Variants in LRRTM3 observed in about 807,000 individuals in gnomAD.
LRRTM3 encodes the protein leucine rich repeat transmembrane neuronal 3.
LRRTM3 carries 24 observed loss-of-function variants against 44.7 expected under a neutral mutation model. The observed-to-expected ratio is 0.54, with a 90% CI of 0.39 to 0.76. LRRTM3 has a LOEUF of 0.76. Among genes scored for constraint, LRRTM3 ranks in the 30% least tolerant of loss-of-function variants. The probability of loss-of-function intolerance (pLI) is 0.00; values close to 1 mark genes in which losing one functional copy is unlikely to be tolerated. For missense variants in LRRTM3, 587 were observed against 702.2 expected, an observed-to-expected ratio of 0.84 and a Z score of 1.85; for synonymous variants, 277 against 278.7, an observed-to-expected ratio of 0.99 and a Z score of 0.06.
intron 2 of LRRTM3, among the ~76,000 whole-genome samples, chr10:66,987,499 T>C (rs1198898835): frequency 6.6e-6 from 1 of 152,180 alleles, no homozygotes; most frequent in Admixed American, 6.5e-5. Flanking sequence ...CTTTGTTATT[T>C]GTTTGTTTAA....
intron 2 of LRRTM3, among the ~76,000 whole-genome samples, chr10:66,990,114 C>A (rs12266823): frequency 0.074 from 11,237 of 152,226 alleles, 572 homozygotes; most frequent in African/African-American, 0.13. Flanking sequence ...AGTTTATACT[C>A]AAGCTTGTCA....
intron 2 of LRRTM3, chr10:67,054,643 G>A (rs1025586151): frequency 2.6e-5 from 4 of 152,102 alleles, no homozygotes; most frequent in Non-Finnish European, 5.9e-5. Flanking sequence ...ATTTCCAATG[G>A]CGGGAGACAG....
chr10:66,995,704 G>C (rs1564819548), intron 2 of LRRTM3, among the ~76,000 whole-genome samples: 1 of 152,046 alleles, frequency 6.6e-6, no homozygotes, highest in Non-Finnish European at 1.5e-5. Flanking sequence ...TCACTAATTT[G>C]TAGCTTTGCT....
At chr10:67,018,074 T>C (rs964686630) in intron 2 of LRRTM3, among the ~76,000 whole-genome samples, 1 of 152,122 alleles carries the variant, frequency 6.6e-6, no homozygotes, top group Non-Finnish European at 1.5e-5. Context: ...GCCTGGCCTG[T>C]GGATATATAT....
At chr10:67,044,094 C>G (rs1854576805) in intron 2 of LRRTM3, among the ~76,000 whole-genome samples, 1 of 151,924 alleles carries the variant, frequency 6.6e-6, no homozygotes, top group Non-Finnish European at 1.5e-5. Flanking sequence ...CTTCCCTCCT[C>G]CCTCTTTCCC....
intron 2 of LRRTM3, among the ~76,000 whole-genome samples, chr10:66,941,240 C>T (rs957403488): frequency 2.0e-5 from 3 of 152,212 alleles, no homozygotes; most frequent in Non-Finnish European, 4.4e-5. Flanking sequence ...CATTTTACTC[C>T]AGTGTCACAC....
At chr10:67,016,993 T>C (rs994144623) in intron 2 of LRRTM3, among the ~76,000 whole-genome samples, 3 of 152,166 alleles carry the variant, frequency 2.0e-5, no homozygotes, top group Non-Finnish European at 4.4e-5. Flanking sequence ...GAATACCTTC[T>C]ATATATGAGA....
chr10:67,082,587 A>G (rs1177133285), intron 2 of LRRTM3, among the ~76,000 whole-genome samples: 1 of 152,200 alleles, frequency 6.6e-6, no homozygotes, highest in Admixed American at 6.5e-5. Context: ...GCCTCCTAGG[A>G]AAGCACTAAG....
At chr10:66,996,089 T>C (rs1851320220) in intron 2 of LRRTM3, among the ~76,000 whole-genome samples, 1 of 152,212 alleles carries the variant, frequency 6.6e-6, no homozygotes, top group East Asian at 1.9e-4. Context: ...AACTGAAAAC[T>C]ACTTAGGACT....
intron 2 of LRRTM3, among the ~76,000 whole-genome samples, chr10:67,078,870 A>C (rs1386423902): frequency 6.6e-6 from 1 of 152,188 alleles, no homozygotes; most frequent in Non-Finnish European, 1.5e-5. Context: ...GGTTAGCAGG[A>C]CACTTGTAAT....
intron 2 of LRRTM3, among the ~76,000 whole-genome samples, chr10:66,981,082 T>C (rs1354656371): frequency 6.6e-6 from 1 of 152,102 alleles, no homozygotes; most frequent in Non-Finnish European, 1.5e-5. Context: ...ATTTTGTATT[T>C]TTACTAGAGA....
chr10:66,928,041 C>T lies in LRRTM3; in HGVS notation c.1125C>T (p.Leu375=). 6.2e-7 allele frequency: 1 copy of T among 1,614,104 alleles called. No homozygotes were observed. Among genetic ancestry groups the T allele is most frequent in the Non-Finnish European group, 8.5e-7 (1 of 1,180,036 alleles). The change falls in exon 2 of 3, where the codon CTC becomes CTT. Residue 375 remains leucine, a synonymous_variant. Transcript: ENST00000361320. ...TTERFDLARA[L]PKPTFKPKLP... is the part of the protein sequence containing the mutation. ...AGAGGTTTGATCTGGCCAGGGCTCT[C>T]CCAAAGCCGACGTTTAAGCCCAAGC... is the stretch of plus-strand genomic sequence containing the variant.
intron 2 of LRRTM3, among the ~76,000 whole-genome samples, chr10:66,957,245 T>C (rs1197995978): frequency 1.3e-5 from 2 of 152,016 alleles, no homozygotes; most frequent in East Asian, 3.9e-4. Flanking sequence ...AGAAGTGAGA[T>C]GTAATCTTTT....
Position 67,080,647 on chromosome 10 carries a change from C to T in LRRTM3, c.1537-16940C>T, listed in dbSNP as rs912344818. Among the ~76,000 whole-genome samples the T allele has an allele frequency of 3.3e-5, 5 of 152,064 alleles. No individual in the cohort carries two copies. In the South Asian group the frequency reaches 8.3e-4, roughly 25 times the overall value. ...AGTAACGGCCGGGCATGGTGGCTCA[C>T]GCCTGTAATCCCAGCACTTTGGGAG... On this transcript the variant is annotated intron_variant, in intron 2 of 2. Transcript: ENST00000361320.
chr10:66,946,917 T>G (rs1564787021), intron 2 of LRRTM3, among the ~76,000 whole-genome samples: 2 of 152,182 alleles, frequency 1.3e-5, no homozygotes, highest in Non-Finnish European at 2.9e-5. Flanking sequence ...CTACAGTCTC[T>G]TTTCTTGGCG....
intron 2 of LRRTM3, among the ~76,000 whole-genome samples, chr10:67,079,005 G>A (rs200414513): frequency 6.6e-6 from 1 of 152,136 alleles, no homozygotes; most frequent in African/African-American, 2.4e-5. Context: ...CTGAAGTTTG[G>A]ATACAATTTC....
intron 2 of LRRTM3, among the ~76,000 whole-genome samples, chr10:67,070,708 C>A (rs1856399393): frequency 6.6e-6 from 1 of 151,612 alleles, no homozygotes; most frequent in African/African-American, 2.4e-5. Context: ...GGTCACGCCA[C>A]TGCACTCCAG....
chr10:66,934,569 A>G (rs997771827), intron 2 of LRRTM3, among the ~76,000 whole-genome samples: 19 of 152,250 alleles, frequency 1.2e-4, no homozygotes, highest in South Asian at 6.2e-4. Flanking sequence ...TTTGCAATTG[A>G]AAAAACAGGA....
intron 2 of LRRTM3, among the ~76,000 whole-genome samples, chr10:67,091,347 T>A (rs1402645436): frequency 1.3e-5 from 2 of 151,806 alleles, no homozygotes; most frequent in African/African-American, 4.8e-5. Flanking sequence ...TACACAAACA[T>A]ACATGCATAA....
Sources: gnomAD v4.1 joint callset for allele counts (sites outside exome capture counted in the v4.1 genomes callset) on GRCh38, gnomAD v4.1.1 for gene constraint, MANE v1.5 for transcripts, NCBI Gene and HGNC (gene_info 2026-07-23, HGNC 2026-07-21) for gene names.